Variants in NRXN3 observed in about 807,000 individuals in gnomAD.
The protein encoded by NRXN3 is neurexin 3.
Under a neutral mutation model 137.6 loss-of-function variants are expected in NRXN3, and 32 were observed. The observed-to-expected ratio is 0.23, with a 90% CI of 0.18 to 0.31. The LOEUF (loss-of-function observed/expected upper bound fraction) is 0.31. NRXN3 is among the 10% of genes least tolerant of loss of function. NRXN3 has a pLI of 1.00. For missense variants in NRXN3, 1,574 were observed against 2,062.5 expected (o/e 0.76, Z 4.59); for synonymous variants, 798 against 784.5 (o/e 1.02, Z -0.29).
At chr14:79,268,107 A>C (rs1015087666) in intron 15 of NRXN3, among the ~76,000 whole-genome samples, 2 of 152,238 alleles carry the variant, frequency 1.3e-5, no homozygotes, top group South Asian at 2.1e-4. Context: ...TAGGTTCTGA[A>C]GAATCGACAG....
chr14:78,979,951 C>A (rs2099485199), intron 14 of NRXN3, among the ~76,000 whole-genome samples: 1 of 152,148 alleles, frequency 6.6e-6, no homozygotes, highest in African/African-American at 2.4e-5. Context: ...ATTAAGGGAG[C>A]TACAATTCAA....
intron 4 of NRXN3, among the ~76,000 whole-genome samples, chr14:78,621,673 A>G (rs1249441319): frequency 1.3e-5 from 2 of 152,184 alleles, no homozygotes; most frequent in South Asian, 2.1e-4. Context: ...ATTTTTTCCC[A>G]TTAAATTGTA....
chr14:78,898,410 C>T (rs542638966), intron 10 of NRXN3, among the ~76,000 whole-genome samples: 49 of 151,940 alleles, frequency 3.2e-4, no homozygotes, highest in African/African-American at 1.1e-3. Context: ...TCCCCAGGTA[C>T]AGTGATGATA....
At chr14:79,702,532 C>CTAAGT (rs1456662495) in intron 19 of NRXN3, among the ~76,000 whole-genome samples, 1 of 151,822 alleles carries the variant, frequency 6.6e-6, no homozygotes. Context: ...CAGCCAGAAG[C>CTAAGT]TAAGTTGTTA....
intron 17 of NRXN3, among the ~76,000 whole-genome samples, chr14:79,668,864 CA>C (rs2098587827): frequency 6.6e-6 from 1 of 152,012 alleles, no homozygotes; most frequent in South Asian, 2.1e-4. Flanking sequence ...AAGTTTCCAA[CA>C]TATTTTGTTT....
At chr14:78,531,054 A>G (rs1236037732) in intron 4 of NRXN3, among the ~76,000 whole-genome samples, 2 of 151,840 alleles carry the variant, frequency 1.3e-5, no homozygotes, top group Non-Finnish European at 2.9e-5. Flanking sequence ...CCTTTCCTTC[A>G]TTTTCTTGAA....
chr14:79,102,067 G>A (rs1479466712), intron 15 of NRXN3, among the ~76,000 whole-genome samples: 1 of 152,152 alleles, frequency 6.6e-6, no homozygotes, highest in Non-Finnish European at 1.5e-5. Flanking sequence ...AGCTTTCAGA[G>A]AGAGCATTGC....
intron 8 of NRXN3, among the ~76,000 whole-genome samples, chr14:78,754,211 T>G (rs910981706): frequency 2.6e-5 from 4 of 152,194 alleles, no homozygotes; most frequent in African/African-American, 9.7e-5. Flanking sequence ...TTGGTTTGCT[T>G]AGGTAGGAAC....
chr14:78,874,848 C>T (rs1250557549), intron 10 of NRXN3, among the ~76,000 whole-genome samples: 4 of 152,090 alleles, frequency 2.6e-5, no homozygotes, highest in Non-Finnish European at 4.4e-5. Flanking sequence ...ACCATGCAGG[C>T]GAATAATGCA....
At chr14:79,662,804 AACTC>A (rs1273532926) in intron 16 of NRXN3, among the ~76,000 whole-genome samples, 5 of 152,006 alleles carry the variant, frequency 3.3e-5, no homozygotes, top group East Asian at 1.9e-4. Flanking sequence ...ATCTCATAAG[AACTC>A]ACTCACTATC....
chr14:78,410,009 A>C (rs555238067), intron 4 of NRXN3, among the ~76,000 whole-genome samples: 1 of 152,244 alleles, frequency 6.6e-6, no homozygotes, highest in African/African-American at 2.4e-5. Flanking sequence ...ATGATCACAA[A>C]ATTGATGCAG....
At chr14:78,670,813 C>T (rs2097926746) in intron 6 of NRXN3, among the ~76,000 whole-genome samples, 1 of 152,082 alleles carries the variant, frequency 6.6e-6, no homozygotes, top group South Asian at 2.1e-4. Context: ...AGGAAGAAGC[C>T]AGAAGTTTCT....
chr14:78,540,243 A>T (rs562513256), intron 4 of NRXN3, among the ~76,000 whole-genome samples: 40 of 152,210 alleles, frequency 2.6e-4, no homozygotes, highest in African/African-American at 8.4e-4. Flanking sequence ...TGGGAGTCTA[A>T]GTCTCTTTGT....
intron 15 of NRXN3, among the ~76,000 whole-genome samples, chr14:79,101,675 T>G (rs2051328613): frequency 6.6e-6 from 1 of 152,144 alleles, no homozygotes. Flanking sequence ...TGTGCTACCT[T>G]GATATTTGCT....
At position 78,803,610 on chromosome 14, in the gene NRXN3, T is replaced by A. The variant is rs748482102; in HGVS notation, c.2045-10T>A. ...TCATCCTAACGATCTTCTCCATTCTTCTTTGGCAGAGGCATCCATCCTGAG... is the reference window on the plus strand; with the variant it reads ...TCATCCTAACGATCTTCTCCATTCTACTTTGGCAGAGGCATCCATCCTGAG... On this transcript the variant is annotated splice_polypyrimidine_tract_variant and intron_variant, in intron 8 of 20. Transcript: ENST00000335750. 3.1e-6 allele frequency: 5 copies of A among 1,613,610 alleles called. No homozygotes were observed. Among genetic ancestry groups the A allele is most frequent in the Non-Finnish European group, 4.2e-6 (5 of 1,179,668 alleles).
chr14:78,661,721 C>T (rs2097843268), intron 6 of NRXN3, among the ~76,000 whole-genome samples: 1 of 152,204 alleles, frequency 6.6e-6, no homozygotes, highest in Non-Finnish European at 1.5e-5. Flanking sequence ...CCTAACTCTA[C>T]TCCCAGTAGC....
chr14:79,586,011 G>T (rs1395396948), intron 16 of NRXN3, among the ~76,000 whole-genome samples: 1 of 152,156 alleles, frequency 6.6e-6, no homozygotes, highest in African/African-American at 2.4e-5. Context: ...CCTCAAATAA[G>T]CACAACTGTC....
intron 14 of NRXN3, chr14:78,972,843 G>A (rs1290813955): frequency 6.6e-6 from 1 of 152,210 alleles, no homozygotes; most frequent in African/African-American, 2.4e-5. Flanking sequence ...ACTAACCTCT[G>A]GTTATTGTTT....
At chr14:78,686,714 A>G (rs1365206926) in intron 6 of NRXN3, among the ~76,000 whole-genome samples, 1 of 152,196 alleles carries the variant, frequency 6.6e-6, no homozygotes, top group East Asian at 1.9e-4. Flanking sequence ...TCAAAATCTA[A>G]TAACTCAAAA....
Sources: allele counts gnomAD v4.1 joint callset (sites outside exome capture counted in the v4.1 genomes callset), GRCh38; gene constraint gnomAD v4.1.1; transcripts MANE v1.5; gene names NCBI Gene and HGNC (gene_info 2026-07-23, HGNC 2026-07-21).